SLC25A21: variants seen among roughly 807,000 people sequenced by gnomAD.
The protein encoded by SLC25A21 is mitochondrial 2-oxodicarboxylate carrier.
Under a neutral mutation model 43.8 loss-of-function variants are expected in SLC25A21, and 47 were observed. The ratio of observed to expected loss-of-function variants is 1.07; its 90% CI spans 0.85 to 1.37. The LOEUF is 1.37. SLC25A21 is among the 40% of genes most tolerant of loss of function. The pLI, the probability that SLC25A21 is intolerant of heterozygous loss-of-function variation, is 0.00. For missense variants in SLC25A21, 352 were observed against 350.2 expected (o/e 1.00, Z -0.04); for synonymous variants, 131 against 121.3 (o/e 1.08, Z -0.52).
intron 1 of SLC25A21, among the ~76,000 whole-genome samples, chr14:37,075,439 G>T (rs1962260060): frequency 6.6e-6 from 1 of 151,818 alleles, no homozygotes; most frequent in Admixed American, 6.6e-5. Flanking sequence ...ATTTTAAAAG[G>T]TCACAATTGT....
At chr14:37,159,301 G>A (rs1253620764) in intron 1 of SLC25A21, among the ~76,000 whole-genome samples, 3 of 151,814 alleles carry the variant, frequency 2.0e-5, no homozygotes, top group Admixed American at 6.6e-5. Context: ...CAAAGCTGAG[G>A]CATCACATTA....
intron 3 of SLC25A21, among the ~76,000 whole-genome samples, chr14:36,811,590 T>C (rs1463916596): frequency 6.6e-6 from 1 of 152,066 alleles, no homozygotes; most frequent in Non-Finnish European, 1.5e-5. Context: ...AGGCAGAGGT[T>C]GCAGTGAGCA....
intron 1 of SLC25A21, among the ~76,000 whole-genome samples, chr14:36,962,546 T>G (rs951012775): frequency 3.3e-5 from 5 of 152,182 alleles, no homozygotes. Flanking sequence ...CTCTCTTTTT[T>G]ATTTTTCCAA....
intron 1 of SLC25A21, among the ~76,000 whole-genome samples, chr14:37,073,507 C>A (rs979688344): frequency 6.6e-6 from 1 of 152,182 alleles, no homozygotes; most frequent in African/African-American, 2.4e-5. Context: ...GCCACTACAG[C>A]CTGCCTGGGT....
At chr14:36,950,960 C>T (rs1188507446) in intron 1 of SLC25A21, among the ~76,000 whole-genome samples, 1 of 152,124 alleles carries the variant, frequency 6.6e-6, no homozygotes, top group Admixed American at 6.5e-5. Flanking sequence ...TCCACAACTG[C>T]TCTCCAGGAG....
chr14:36,868,889 T>C (rs1890288840), intron 2 of SLC25A21, among the ~76,000 whole-genome samples: 1 of 152,150 alleles, frequency 6.6e-6, no homozygotes, highest in Non-Finnish European at 1.5e-5. Flanking sequence ...AGAGGACTTC[T>C]CCCATCCCTC....
chr14:36,999,030 T>C (rs1021062948), intron 1 of SLC25A21, among the ~76,000 whole-genome samples: 2 of 152,136 alleles, frequency 1.3e-5, no homozygotes, highest in African/African-American at 2.4e-5. Context: ...ACTTGTTCCA[T>C]AGAATGCAGC....
At chr14:36,836,858 T>C (rs570669056) in intron 2 of SLC25A21, among the ~76,000 whole-genome samples, 1 of 152,106 alleles carries the variant, frequency 6.6e-6, no homozygotes, top group South Asian at 2.1e-4. Context: ...GATGAATATA[T>C]TTGTAGTTAG....
At chr14:36,999,748 T>C (rs1960447303) in intron 1 of SLC25A21, among the ~76,000 whole-genome samples, 1 of 152,136 alleles carries the variant, frequency 6.6e-6, no homozygotes, top group South Asian at 2.1e-4. Context: ...AAGCAAGTTG[T>C]AAAGTAAAAA....
chr14:37,099,438 T>C (rs1316368719), intron 1 of SLC25A21, among the ~76,000 whole-genome samples: 1 of 152,184 alleles, frequency 6.6e-6, no homozygotes, highest in Non-Finnish European at 1.5e-5. Context: ...CTAACAGTCA[T>C]TTGTTGTCTC....
chr14:36,780,086 T>G (rs1315925706), intron 3 of SLC25A21, among the ~76,000 whole-genome samples: 1 of 151,970 alleles, frequency 6.6e-6, no homozygotes, highest in Non-Finnish European at 1.5e-5. Flanking sequence ...TGTAAATTTT[T>G]AGGAATTTAT....
At chr14:37,110,156 A>T (rs1170270498) in intron 1 of SLC25A21, among the ~76,000 whole-genome samples, 1 of 152,184 alleles carries the variant, frequency 6.6e-6, no homozygotes, top group African/African-American at 2.4e-5. Flanking sequence ...ACTACTTCAG[A>T]CTTTCTAATC....
At chr14:36,941,843 G>C (rs1294773741) in intron 1 of SLC25A21, among the ~76,000 whole-genome samples, 3 of 151,774 alleles carry the variant, frequency 2.0e-5, no homozygotes, top group African/African-American at 7.3e-5. Context: ...GTCTTTATTT[G>C]AAATATTCTG....
intron 3 of SLC25A21, among the ~76,000 whole-genome samples, chr14:36,812,736 T>G (rs1350012854): frequency 6.6e-6 from 1 of 152,136 alleles, no homozygotes; most frequent in Non-Finnish European, 1.5e-5. Flanking sequence ...GTATTTATAG[T>G]GCAACCTGGC....
chr14:37,038,249 G>A (rs1961371554), intron 1 of SLC25A21, among the ~76,000 whole-genome samples: 1 of 151,994 alleles, frequency 6.6e-6, no homozygotes, highest in Non-Finnish European at 1.5e-5. Context: ...ACCTCCATGG[G>A]GCTCAGAGTT....
At chr14:36,863,696 T>G (rs1890135471) in intron 2 of SLC25A21, among the ~76,000 whole-genome samples, 1 of 152,226 alleles carries the variant, frequency 6.6e-6, no homozygotes, top group African/African-American at 2.4e-5. Context: ...AGCAAGATTC[T>G]TCTGCACATA....
rs138788790 is a variant in SLC25A21, at chr14:36,764,231, A to T, written c.204-29658T>A. Among the ~76,000 whole-genome samples the T allele has an allele frequency of 9.1e-4, 138 of 151,544 alleles. 1 individual carries two copies. The highest frequency in any genetic ancestry group is 2.5e-3 in the African/African-American group (102 of 41,338). ...CTGTTAGCTTCCCAGGACAAAACTC[A>T]TCTCAAGGGAGGAGCCAGCTAGGAA... On this transcript the variant is annotated intron_variant, in intron 3 of 9. Transcript: ENST00000331299.
At chr14:37,160,531 G>A (rs145561983) in intron 1 of SLC25A21, among the ~76,000 whole-genome samples, 6 of 152,258 alleles carry the variant, frequency 3.9e-5, no homozygotes, top group African/African-American at 1.4e-4. Context: ...ACGCATGGAA[G>A]TAGAGTAGAA....
At chr14:36,848,514 C>T (rs1455893301) in intron 2 of SLC25A21, among the ~76,000 whole-genome samples, 1 of 152,154 alleles carries the variant, frequency 6.6e-6, no homozygotes, top group Admixed American at 6.5e-5. Context: ...AGATTCTCCA[C>T]GGAACTCTTC....
Sources: allele counts gnomAD v4.1 joint callset (sites outside exome capture counted in the v4.1 genomes callset), GRCh38; gene constraint gnomAD v4.1.1; transcripts MANE v1.5; gene names NCBI Gene and HGNC (gene_info 2026-07-23, HGNC 2026-07-21).